TRIM5: variants seen among roughly 807,000 people sequenced by gnomAD.
TRIM5 encodes the protein tripartite motif-containing protein 5.
A neutral mutation model predicts 35.6 loss-of-function variants in TRIM5; 31 were observed. That is an observed-to-expected ratio of 0.87 (90% confidence interval 0.65 to 1.18). The LOEUF (loss-of-function observed/expected upper bound fraction) is 1.18, where lower values mean the gene tolerates loss of function less well. Among genes scored for constraint, TRIM5 ranks in the 50% most tolerant of loss-of-function variants. The pLI is 0.00. For synonymous variants in TRIM5, 243 were observed against 215.6 expected, an observed-to-expected ratio of 1.13 and a Z score of -1.11; for missense variants, 609 against 591.6, an observed-to-expected ratio of 1.03 and a Z score of -0.31.
the TRIM5 span, among the ~76,000 whole-genome samples, chr11:5,600,512 G>GGCTTAT: frequency 6.6e-6 from 1 of 152,130 alleles, no homozygotes; most frequent in Non-Finnish European, 1.5e-5. Flanking sequence ...GCCGCTAGGA[G>GGCTTAT]GCTTATGCTT....
chr11:5,665,043 A>ACTAT lies in TRIM5; in HGVS notation c.1244_1247dup (p.Ser416ArgfsTer2). On this transcript the variant is annotated stop_gained and frameshift_variant, in exon 8 of 8. Coordinates refer to ENST00000380034, the MANE Select transcript of TRIM5 (RefSeq NM_033034.3). LOFTEE classifies it low-confidence loss of function (END_TRUNC). ...AAGGAACAGAAGGAGTATGGAAGGA[A>ACTAT]CTATCCTGGAAAGCACTACATTTAA... is the stretch of plus-strand genomic sequence containing the variant. The ACTAT allele has an allele frequency of 6.2e-7, 1 of 1,614,150 alleles. No homozygotes were observed. Among genetic ancestry groups the ACTAT allele is most frequent in the Non-Finnish European group, 8.5e-7 (1 of 1,180,036 alleles).
At chr11:5,637,376 A>G in the TRIM5 span, among the ~76,000 whole-genome samples, 1 of 152,148 alleles carries the variant, frequency 6.6e-6, no homozygotes, top group African/African-American at 2.4e-5. Flanking sequence ...ACTGCCAAAG[A>G]ACGATCTAGA....
the TRIM5 span, chr11:5,605,504 G>A: frequency 4.3e-6 from 7 of 1,614,150 alleles, no homozygotes; most frequent in African/African-American, 1.3e-5. Context: ...AGACCCAGTC[G>A]CTGCGAGAGC....
chr11:5,610,984 G>T, the TRIM5 span: 1 of 1,614,102 alleles, frequency 6.2e-7, no homozygotes, highest in Non-Finnish European at 8.5e-7. Context: ...TGGATCCTGG[G>T]GGTATGCAGC....
chr11:5,642,406 G>T, the TRIM5 span: 2 of 1,612,576 alleles, frequency 1.2e-6, no homozygotes, highest in Non-Finnish European at 1.7e-6. Context: ...TCATCCCTAG[G>T]AGTGAGATCT....
chr11:5,664,693 A>G lies in TRIM5; in HGVS notation c.*116T>C. The G allele has an allele frequency of 6.8e-7, 1 of 1,472,432 alleles. No homozygotes were observed. Among genetic ancestry groups the G allele is most frequent in the Non-Finnish European group, 9.0e-7 (1 of 1,116,440 alleles). The allele number at this position is 1,472,432 out of a possible 1,614,324, so 91.2% of individuals were successfully genotyped here. ...ACTGATGAGTGAAGGACGTTCAAAT[A>G]GAAAGAAGGGAGACAGCAAGGAAAA... On this transcript the variant is annotated 3_prime_UTR_variant, in exon 8 of 8. Coordinates refer to ENST00000380034, the MANE Select transcript of TRIM5 (RefSeq NM_033034.3).
chr11:5,638,686 A>G, the TRIM5 span, among the ~76,000 whole-genome samples: 4 of 152,246 alleles, frequency 2.6e-5, no homozygotes, highest in Admixed American at 2.0e-4. Flanking sequence ...AAAGGAAACA[A>G]TATGGCTGGA....
chr11:5,649,160 T>C, the TRIM5 span, among the ~76,000 whole-genome samples: 1 of 152,224 alleles, frequency 6.6e-6, no homozygotes, highest in Non-Finnish European at 1.5e-5. Flanking sequence ...GAAGGAGCCA[T>C]GAGGACCAGC....
the TRIM5 span, among the ~76,000 whole-genome samples, chr11:5,623,045 G>T: frequency 6.7e-6 from 1 of 148,972 alleles, no homozygotes; most frequent in Non-Finnish European, 1.5e-5. Flanking sequence ...GGCAAAGGAA[G>T]TAACCAGATA....
At chr11:5,599,552 C>T in the TRIM5 span, among the ~76,000 whole-genome samples, 2 of 152,022 alleles carry the variant, frequency 1.3e-5, no homozygotes, top group African/African-American at 2.4e-5. Flanking sequence ...TACAGGCATC[C>T]GCCACTACAC....
At chr11:5,592,381 G>A in the TRIM5 span, among the ~76,000 whole-genome samples, 2 of 152,080 alleles carry the variant, frequency 1.3e-5, no homozygotes, top group African/African-American at 4.8e-5. Flanking sequence ...CTATGCAGTA[G>A]GTATTTTACA....
the TRIM5 span, chr11:5,642,971 T>G: frequency 3.0e-5 from 42 of 1,419,880 alleles, 1 homozygote; most frequent in South Asian, 5.8e-4. Context: ...CTAAATACAT[T>G]TCTCCAGTGT....
At chr11:5,611,772 G>GT in the TRIM5 span, 1 of 186,344 alleles carries the variant, frequency 5.4e-6, no homozygotes, top group South Asian at 1.1e-4. Context: ...GTTTTAAACA[G>GT]TTACTCAGTA....
At chr11:5,634,530 C>CACACACATATAT in the TRIM5 span, 12 of 262,002 alleles carry the variant, frequency 4.6e-5, no homozygotes, top group African/African-American at 3.6e-4. Flanking sequence ...CACACACACA[C>CACACACATATAT]ATATATATAT....
the TRIM5 span, chr11:5,596,681 G>T: frequency 1.5e-6 from 1 of 666,944 alleles, no homozygotes; most frequent in South Asian, 1.9e-5. Flanking sequence ...CTGACCTGTG[G>T]GTCCGTCCGT....
rs911167264 is a variant in TRIM5 at position 5,667,709 on chromosome 11, A to G, written c.747T>C (p.Gly249=). 6.2e-7 allele frequency: 1 copy of G among 1,613,478 alleles called. No homozygotes were observed. The highest frequency in any genetic ancestry group is 8.5e-7 in the Non-Finnish European group (1 of 1,179,850). The stretch of plus-strand genomic sequence containing the variant: ...CATACCTTTTTATGACGCCATCCAC[A>G]CCCTAGGAAGAAGAGAGAAAACATC... The part of the protein sequence containing the change: ...LQGSVMELLQ[G]VDGVIKRTEN... The change falls in exon 5 of 8, where the codon GGT becomes GGC. Residue 249 remains glycine (G), a splice_region_variant and synonymous_variant. Transcript: ENST00000380034.
chr11:5,666,332 G>C (rs10769167), intron 5 of TRIM5: 138,190 of 506,044 alleles, frequency 0.27, 23,133 homozygotes, highest in East Asian at 0.59. Flanking sequence ...CTTCTAAAAT[G>C]AAATAATTAA....
the TRIM5 span, chr11:5,590,163 G>A: frequency 3.1e-4 from 49 of 155,848 alleles, 2 homozygotes; most frequent in South Asian, 8.7e-3. Flanking sequence ...GCCTTCCCCC[G>A]CCTCCATGGG....
At chr11:5,640,461 C>A in the TRIM5 span, among the ~76,000 whole-genome samples, 1 of 151,562 alleles carries the variant, frequency 6.6e-6, no homozygotes, top group African/African-American at 2.4e-5. Flanking sequence ...TATGTTGAAC[C>A]AACCTTGCAT....
Sources: allele counts gnomAD v4.1 joint callset (sites outside exome capture counted in the v4.1 genomes callset), GRCh38; gene constraint gnomAD v4.1.1; transcripts MANE v1.5; gene names NCBI Gene and HGNC (gene_info 2026-07-23, HGNC 2026-07-21).